The following KIAA1217 variants were observed in gnomAD, a reference collection of about 807,000 sequenced individuals.
KIAA1217 encodes KIAA1217.
Under a neutral mutation model 163.9 loss-of-function variants are expected in KIAA1217, and 88 were observed. The observed-to-expected ratio is 0.54, with a 90% CI of 0.45 to 0.64. The LOEUF is 0.64. Ranked by LOEUF, KIAA1217 falls within the 30% of genes least tolerant of loss-of-function variation. The pLI, the probability that KIAA1217 is intolerant of heterozygous loss-of-function variation, is 0.00. For synonymous variants in KIAA1217, 903 were observed against 923.1 expected (o/e 0.98, Z 0.39); for missense variants, 2,372 against 2,475.0 (o/e 0.96, Z 0.88).
intron 1 of KIAA1217, among the ~76,000 whole-genome samples, chr10:23,990,822 G>T (rs968928629): frequency 6.6e-6 from 1 of 152,196 alleles, no homozygotes; most frequent in South Asian, 2.1e-4. Flanking sequence ...ACTGTCTTAG[G>T]GGTTGGCAGC....
intron 2 of KIAA1217, among the ~76,000 whole-genome samples, chr10:24,107,636 T>A (rs1253477305): frequency 6.6e-6 from 1 of 152,224 alleles, no homozygotes; most frequent in Non-Finnish European, 1.5e-5. Flanking sequence ...TAATGATTAG[T>A]GATTTTGAGC....
intron 1 of KIAA1217, among the ~76,000 whole-genome samples, chr10:23,947,309 A>C (rs1426969373): frequency 6.6e-6 from 1 of 152,244 alleles, no homozygotes; most frequent in Non-Finnish European, 1.5e-5. Context: ...AGTTAAATAA[A>C]AAGCTTCCAA....
chr10:23,704,291 T>C (rs1259725888), intron 1 of KIAA1217, among the ~76,000 whole-genome samples: 1 of 146,598 alleles, frequency 6.8e-6, no homozygotes, highest in Non-Finnish European at 1.5e-5. Context: ...AAAAACAGCT[T>C]TATTGAGATA....
chr10:24,236,297 G>A (rs140014162), intron 2 of KIAA1217, among the ~76,000 whole-genome samples: 141 of 151,860 alleles, frequency 9.3e-4, no homozygotes, highest in African/African-American at 3.2e-3. Context: ...TGTTGCCCAG[G>A]CTGGAGTGCA....
In KIAA1217 at chr10:24,537,109, T is replaced by C. The variant is rs528424816; in HGVS notation, c.3534+216T>C. Among the ~76,000 whole-genome samples, 13 of 152,268 alleles carry C rather than the reference T, an allele frequency of 8.5e-5. No individual in the cohort carries two copies. The South Asian group carries it at 2.5e-3, about 29-fold the overall frequency. On this transcript the variant is annotated intron_variant, in intron 17 of 20. Coordinates refer to ENST00000376454, the MANE Select transcript of KIAA1217 (RefSeq NM_019590.5). ...TTCCAGCCCACAGCATACAATAGTA[T>C]ATGCAGAATTTAGACACTATCTTCC...
intron 2 of KIAA1217, chr10:24,255,551 A>T (rs1298861339): frequency 1.1e-5 from 5 of 455,930 alleles, no homozygotes; most frequent in Non-Finnish European, 1.3e-5. Context: ...GAGGCATCAC[A>T]TGTTTCTGCT....
intron 3 of KIAA1217, among the ~76,000 whole-genome samples, chr10:24,399,433 T>C (rs1331900743): frequency 6.6e-6 from 1 of 152,246 alleles, no homozygotes; most frequent in African/African-American, 2.4e-5. Flanking sequence ...TCACATCGTG[T>C]TTCATTTGCT....
chr10:23,886,615 T>G (rs903594431), intron 1 of KIAA1217, among the ~76,000 whole-genome samples: 1 of 151,982 alleles, frequency 6.6e-6, no homozygotes, highest in African/African-American at 2.4e-5. Flanking sequence ...ACCCAGCAAC[T>G]GACTTAATGA....
rs142504673 is a variant in KIAA1217, at chr10:24,069,303, G to A, written c.-171+61929G>A. 8.6e-4 allele frequency among the ~76,000 whole-genome samples: 131 copies of A among 152,342 alleles called. 1 individual carries two copies. The East Asian group carries it at 0.022, about 25-fold the overall frequency. ...ACTCTTTTCTCTCCAGGGAAAAGCT[G>A]AGAAGTGGGTTTTCGTTTTTGTTTT... is the stretch of plus-strand genomic sequence containing the variant. On this transcript the variant is annotated intron_variant, in intron 2 of 18. Transcript: ENST00000376462.
intron 1 of KIAA1217, among the ~76,000 whole-genome samples, chr10:23,985,541 A>G (rs1373727255): frequency 6.6e-6 from 1 of 152,146 alleles, no homozygotes; most frequent in African/African-American, 2.4e-5. Flanking sequence ...CCATTCTCCT[A>G]TAATGGTTTC....
intron 2 of KIAA1217, among the ~76,000 whole-genome samples, chr10:24,236,523 C>T (rs985252493): frequency 2.6e-5 from 4 of 152,100 alleles, no homozygotes; most frequent in African/African-American, 2.4e-5. Context: ...GGATTATAGG[C>T]GTGAGCCACT....
At chr10:23,751,482 T>C (rs1839736490) in intron 1 of KIAA1217, among the ~76,000 whole-genome samples, 1 of 152,186 alleles carries the variant, frequency 6.6e-6, no homozygotes. Flanking sequence ...AGTCTTCTAG[T>C]TTTTACTTCC....
Position 24,443,254 on chromosome 10 carries a change from A to G in KIAA1217, c.846+4775A>G, listed in dbSNP as rs139867549. ...ATAAACTTTTGAGCCAGGTCTTGGT[A>G]TAAGCCCCCCTGTTTACAGATGATG... On this transcript the variant is annotated intron_variant, in intron 5 of 20. Coordinates refer to ENST00000376454, the MANE Select transcript of KIAA1217 (RefSeq NM_019590.5). Among the ~76,000 whole-genome samples the G allele has an allele frequency of 2.2e-3, 333 of 152,274 alleles. 1 individual carries two copies. The highest frequency in any genetic ancestry group is 3.8e-3 in the Non-Finnish European group (257 of 68,008).
At chr10:24,045,247 T>TTC (rs145049140) in intron 2 of KIAA1217, among the ~76,000 whole-genome samples, 5 of 151,716 alleles carry the variant, frequency 3.3e-5, no homozygotes, top group East Asian at 3.9e-4. Context: ...GGTGATTTTT[T>TTC]TCTCTCTCTC....
chr10:23,961,978 G>C (rs1844837114), intron 1 of KIAA1217, among the ~76,000 whole-genome samples: 1 of 152,094 alleles, frequency 6.6e-6, no homozygotes, highest in Admixed American at 6.5e-5. Context: ...TCACCCTAAT[G>C]ATCTCATTTT....
chr10:24,448,130 A>G (rs1408568085), intron 5 of KIAA1217, among the ~76,000 whole-genome samples: 2 of 151,966 alleles, frequency 1.3e-5, no homozygotes, highest in Non-Finnish European at 2.9e-5. Context: ...CTCCACCTCA[A>G]AAAAAAAGAA....
chr10:24,160,055 G>C (rs764862074), intron 2 of KIAA1217, among the ~76,000 whole-genome samples: 32 of 152,080 alleles, frequency 2.1e-4, no homozygotes, highest in Non-Finnish European at 4.4e-5. Flanking sequence ...TCTCTAGTCT[G>C]TCCCATTGAT....
At chr10:24,281,852 T>C (rs562904728) in intron 2 of KIAA1217, among the ~76,000 whole-genome samples, 68 of 152,144 alleles carry the variant, frequency 4.5e-4, no homozygotes, top group African/African-American at 1.5e-3. Flanking sequence ...TGAGGTCAGA[T>C]CGAGACCAGC....
intron 1 of KIAA1217, among the ~76,000 whole-genome samples, chr10:23,705,114 A>C (rs1432341986): frequency 6.6e-6 from 1 of 152,118 alleles, no homozygotes; most frequent in Non-Finnish European, 1.5e-5. Flanking sequence ...TGTCTATTCA[A>C]ATTCATTGTC....
Sources: allele counts gnomAD v4.1 joint callset (sites outside exome capture counted in the v4.1 genomes callset), GRCh38; gene constraint gnomAD v4.1.1; transcripts MANE v1.5; gene names NCBI Gene and HGNC (gene_info 2026-07-23, HGNC 2026-07-21).